The following REEP5 variants were observed in gnomAD, a reference collection of about 807,000 sequenced individuals.
REEP5 encodes the protein receptor accessory protein 5, also known as receptor expression-enhancing protein 5.
In REEP5, 24 loss-of-function variants were observed where a neutral mutation model predicts 22.4. The observed-to-expected ratio is 1.07, with a 90% CI of 0.78 to 1.51. The LOEUF (loss-of-function observed/expected upper bound fraction) is 1.51. Among genes scored for constraint, REEP5 ranks in the 40% most tolerant of loss-of-function variants. REEP5 has a pLI of 0.00. For synonymous variants in REEP5, 103 were observed against 88.6 expected, an observed-to-expected ratio of 1.16 and a Z score of -0.92; for missense variants, 252 against 233.0, an observed-to-expected ratio of 1.08 and a Z score of -0.53.
intron 2 of REEP5, among the ~76,000 whole-genome samples, chr5:112,917,923 A>G (rs1469697323): frequency 6.6e-6 from 1 of 152,198 alleles, no homozygotes; most frequent in Non-Finnish European, 1.5e-5. Context: ...GACAGTGGTG[A>G]TGGTTACACA....
intron 2 of REEP5, among the ~76,000 whole-genome samples, chr5:112,904,279 C>T (rs1211595529): frequency 6.6e-6 from 1 of 152,180 alleles, no homozygotes; most frequent in Non-Finnish European, 1.5e-5. Context: ...AAAGTGTAGA[C>T]AAGCATGTTA....
chr5:112,895,821 T>G (rs1768664356), intron 3 of REEP5: 1 of 152,186 alleles, frequency 6.6e-6, no homozygotes, highest in African/African-American at 2.4e-5. Flanking sequence ...CTGGCTCTTT[T>G]CAATCAAGCT....
At chr5:112,892,268 T>C in intron 3 of REEP5, 2 of 1,614,130 alleles carry the variant, frequency 1.2e-6, no homozygotes, top group Non-Finnish European at 1.7e-6. Flanking sequence ...ATTAAGAGCA[T>C]GTTTACAACG....
At chr5:112,887,934 G>A (rs1340737270) in intron 3 of REEP5, among the ~76,000 whole-genome samples, 1 of 152,042 alleles carries the variant, frequency 6.6e-6, no homozygotes, top group African/African-American at 2.4e-5. Flanking sequence ...TCCTTTTTAA[G>A]ATAAAAAGAA....
rs1554093940 is a variant in REEP5 at position 112,897,351 on chromosome 5, T to TCTCA, written c.351+5028_351+5029insTGAG. The TCTCA allele has an allele frequency of 4.1e-5, 4 of 97,792 alleles. No individual in the cohort carries two copies. In the East Asian group the frequency reaches 7.2e-4, roughly 18 times the overall value. 6.1% of individuals were successfully genotyped at this position (97,792 alleles called of 1,614,324 possible). A position where few individuals can be genotyped will look rare whatever the true frequency, so the allele number is the denominator to read the frequency against. ...TCCTCCCTACATAAAACACATCCCA[T>TCTCA]CACACACACACACACACACACACAC... On this transcript the variant is annotated intron_variant, in intron 3 of 4. Coordinates refer to ENST00000379638, the MANE Select transcript of REEP5 (RefSeq NM_005669.5).
intron 3 of REEP5, chr5:112,893,014 C>G (rs61747099): frequency 3.2e-6 from 5 of 1,554,218 alleles, no homozygotes; most frequent in South Asian, 1.1e-5. Context: ...CTCTAGGTGC[C>G]GAAGTCGTGG....
At chr5:112,887,797 T>C (rs901548153) in intron 3 of REEP5, among the ~76,000 whole-genome samples, 3 of 152,216 alleles carry the variant, frequency 2.0e-5, no homozygotes, top group Non-Finnish European at 4.4e-5. Flanking sequence ...TGAGATTTTT[T>C]TTTAATTGAC....
chr5:112,889,365 G>C (rs962878729), intron 3 of REEP5, among the ~76,000 whole-genome samples: 1 of 150,712 alleles, frequency 6.6e-6, no homozygotes, highest in African/African-American at 2.5e-5. Context: ...TTATGGGAAA[G>C]ATATATCAGA....
chr5:112,892,530 T>C (rs1476768034), intron 3 of REEP5: 4 of 1,614,152 alleles, frequency 2.5e-6, no homozygotes, highest in Non-Finnish European at 3.4e-6. Flanking sequence ...GACGATGGTA[T>C]GCAGGACGAC....
chr5:112,908,989 A>G (rs1418927730), intron 2 of REEP5, among the ~76,000 whole-genome samples: 1 of 151,892 alleles, frequency 6.6e-6, no homozygotes, highest in East Asian at 1.9e-4. Context: ...AGAGAGCCAC[A>G]CAGCCCATCA....
chr5:112,905,618 A>C (rs1768940112), intron 2 of REEP5, among the ~76,000 whole-genome samples: 1 of 148,258 alleles, frequency 6.7e-6, no homozygotes, highest in African/African-American at 2.5e-5. Context: ...CTTTTTAAAA[A>C]GATTGATTGA....
At chr5:112,894,333 T>C (rs913687544) in intron 3 of REEP5, 1 of 152,274 alleles carries the variant, frequency 6.6e-6, no homozygotes, top group African/African-American at 2.4e-5. Flanking sequence ...TTGGCCAGGA[T>C]GGTCTTGATC....
chr5:112,886,235 T>A, intron 4 of REEP5, among the ~76,000 whole-genome samples: 1 of 152,256 alleles, frequency 6.6e-6, no homozygotes, highest in East Asian at 1.9e-4. Context: ...TTTACCTGTT[T>A]AAACGTCATA....
chr5:112,879,859 G>T (rs577745098), intron 4 of REEP5, among the ~76,000 whole-genome samples: 1 of 151,926 alleles, frequency 6.6e-6, no homozygotes, highest in Non-Finnish European at 1.5e-5. Context: ...TGGGAAGATC[G>T]CTTGAAGCCA....
In REEP5 at chr5:112,890,023, C is replaced by T. The variant is rs907321216; in HGVS notation, c.352-2840G>A. ...TGTATTTTTAGTAGAGACGGGGTTT[C>T]ACCATGTTGGCCAGGCTGGTCTTGA... On this transcript the variant is annotated intron_variant, in intron 3 of 4. Transcript: ENST00000379638. Among the ~76,000 whole-genome samples the T allele has an allele frequency of 3.5e-4, 52 of 150,462 alleles. 2 individuals are homozygous for T. The highest frequency in any genetic ancestry group is 1.1e-3 in the African/African-American group (45 of 40,354).
At chr5:112,919,885 T>C (rs1392934760) in intron 2 of REEP5, among the ~76,000 whole-genome samples, 1 of 152,240 alleles carries the variant, frequency 6.6e-6, no homozygotes, top group Non-Finnish European at 1.5e-5. Context: ...TGGATTTTGA[T>C]GCTACTAAAG....
intron 3 of REEP5, among the ~76,000 whole-genome samples, chr5:112,888,548 T>G (rs1561648957): frequency 2.0e-5 from 3 of 150,856 alleles, no homozygotes; most frequent in Admixed American, 1.3e-4. Flanking sequence ...GCCTCCCAAG[T>G]AGCTGGGAAT....
At chr5:112,883,893 C>T (rs1203648607) in intron 4 of REEP5, among the ~76,000 whole-genome samples, 1 of 152,130 alleles carries the variant, frequency 6.6e-6, no homozygotes, top group Non-Finnish European at 1.5e-5. Flanking sequence ...TTGTCCTTAA[C>T]CCCTCTGACC....
In REEP5 at chr5:112,878,972, G is replaced by C. The variant is rs1194215049; in HGVS notation, c.521-137C>G. ...CATGTTCAGGTGCGATCATGTTGGG[G>C]TTTGTGGTCTGGGCTAAGAGGGTTT... is the stretch of plus-strand genomic sequence containing the variant. On this transcript the variant is annotated intron_variant, in intron 4 of 4. Transcript: ENST00000379638. 9.4e-6 allele frequency: 13 copies of C among 1,384,370 alleles called. No individual in the cohort carries two copies. In the East Asian group the frequency reaches 2.6e-4, roughly 28 times the overall value. The allele number at this position is 1,384,370 out of a possible 1,614,324, so 85.8% of individuals were successfully genotyped here.
Sources: allele counts gnomAD v4.1 joint callset (sites outside exome capture counted in the v4.1 genomes callset), GRCh38; gene constraint gnomAD v4.1.1; transcripts MANE v1.5; gene names NCBI Gene and HGNC (gene_info 2026-07-23, HGNC 2026-07-21).